Variants in PCDH15 observed in about 807,000 individuals in gnomAD.
PCDH15 encodes protocadherin-15.
Under a neutral mutation model 178.5 loss-of-function variants are expected in PCDH15, and 129 were observed. The ratio of observed to expected loss-of-function variants is 0.72; its 90% CI spans 0.63 to 0.84. PCDH15 has a LOEUF of 0.84. Ranked by LOEUF, PCDH15 falls within the 40% of genes least tolerant of loss-of-function variation. The probability of loss-of-function intolerance (pLI) is 0.00; values close to 1 mark genes in which losing one functional copy is unlikely to be tolerated. For synonymous variants in PCDH15, 800 were observed against 732.0 expected, an observed-to-expected ratio of 1.09 and a Z score of -1.50; for missense variants, 2,230 against 2,099.9, an observed-to-expected ratio of 1.06 and a Z score of -1.21.
At chr10:55,286,202 A>G (rs569086245) in intron 1 of PCDH15, among the ~76,000 whole-genome samples, 31 of 152,032 alleles carry the variant, frequency 2.0e-4, no homozygotes, top group Admixed American at 1.9e-3. Context: ...CTATTATGTT[A>G]CAATCATTCT....
In PCDH15 at chr10:54,870,222, G is replaced by A. The variant is rs554116196; in HGVS notation, c.-29+27228C>T. Among the ~76,000 whole-genome samples the A allele has an allele frequency of 8.5e-5, 13 of 152,240 alleles. No homozygotes were observed. The East Asian group carries it at 2.3e-3, about 27-fold the overall frequency. ...ACACAAGTAGTTGTTAACATGCCTA[G>A]TAATCAATTGGAAATTTTGTATTAA... On this transcript the variant is annotated intron_variant, in intron 3 of 5. Transcript: ENST00000458638.
chr10:53,849,131 G>A (rs1484723841), intron 28 of PCDH15, among the ~76,000 whole-genome samples: 1 of 151,890 alleles, frequency 6.6e-6, no homozygotes, highest in Non-Finnish European at 1.5e-5. Context: ...TACTAAAAAA[G>A]TAAAAAAGAT....
chr10:54,482,658 A>G (rs113670672), intron 3 of PCDH15, among the ~76,000 whole-genome samples: 5,501 of 151,856 alleles, frequency 0.036, 148 homozygotes, highest in South Asian at 0.092. Context: ...GAAAAATAAA[A>G]AAGGGAAAGA....
chr10:55,312,780 G>C (rs1287321199), intron 1 of PCDH15, among the ~76,000 whole-genome samples: 1 of 152,072 alleles, frequency 6.6e-6, no homozygotes, highest in African/African-American at 2.4e-5. Context: ...ACCATGCCCA[G>C]CTAATTTTGC....
intron 1 of PCDH15, among the ~76,000 whole-genome samples, chr10:54,747,806 A>ATTTTTTTTTTTTT (rs10628733): frequency 3.7e-5 from 5 of 135,564 alleles, no homozygotes; most frequent in East Asian, 2.2e-4. Flanking sequence ...CAATGGTTAC[A>ATTTTTTTTTTTTT]TTTTTTTTTT....
chr10:55,601,432 A>C (rs1843073894), intron 2 of PCDH15, among the ~76,000 whole-genome samples: 1 of 152,146 alleles, frequency 6.6e-6, no homozygotes, highest in Admixed American at 6.5e-5. Flanking sequence ...TGAAGGAGAG[A>C]GGTAGACAGG....
chr10:54,622,643 T>TTTTTC (rs2093404493), intron 2 of PCDH15, among the ~76,000 whole-genome samples: 1 of 101,874 alleles, frequency 9.8e-6, no homozygotes, highest in African/African-American at 4.2e-5. Flanking sequence ...TATTATATAA[T>TTTTTC]TATATATATA....
At position 54,329,707 on chromosome 10, in the gene PCDH15, C is replaced by A; in HGVS notation, c.595-1G>T. 6.5e-7 allele frequency: 1 copy of A among 1,530,616 alleles called. No homozygotes were observed. Among genetic ancestry groups the A allele is most frequent in the Non-Finnish European group, 9.1e-7 (1 of 1,104,498 alleles). 94.8% of individuals were successfully genotyped at this position (1,530,616 alleles called of 1,614,324 possible). ...GAATTTCAAAGGTGTCATTGGATGT[C>A]TGCAAATATTAAAGATACAGACTTC... On this transcript the variant is annotated splice_acceptor_variant, in intron 6 of 37. Transcript: ENST00000644397. LOFTEE classifies it high-confidence loss of function.
At chr10:53,823,220 A>G (rs1196294137) in intron 32 of PCDH15, 2 of 1,614,048 alleles carry the variant, frequency 1.2e-6, no homozygotes, top group South Asian at 1.1e-5. Context: ...TGTTGCTCTT[A>G]AGTGATCCGT....
intron 3 of PCDH15, among the ~76,000 whole-genome samples, chr10:54,391,105 T>A (rs1344096437): frequency 6.6e-6 from 1 of 152,152 alleles, no homozygotes; most frequent in East Asian, 1.9e-4. Flanking sequence ...ATATACATTC[T>A]CAAGTATATA....
At chr10:55,303,314 T>C (rs1475243076) in intron 1 of PCDH15, among the ~76,000 whole-genome samples, 3 of 152,186 alleles carry the variant, frequency 2.0e-5, no homozygotes, top group African/African-American at 7.2e-5. Flanking sequence ...GTTTGGGCTG[T>C]TAGTAGTCTT....
intron 32 of PCDH15, among the ~76,000 whole-genome samples, chr10:53,824,605 T>TCAGA (rs1301711243): frequency 1.3e-5 from 2 of 152,116 alleles, no homozygotes; most frequent in African/African-American, 2.4e-5. Context: ...CAAAGAAAAT[T>TCAGA]CAGACAATCT....
chr10:55,350,003 C>T (rs1293107713), intron 2 of PCDH15, among the ~76,000 whole-genome samples: 9 of 151,576 alleles, frequency 5.9e-5, no homozygotes. Context: ...ACTCACTCTA[C>T]TATCCTTTCA....
intron 1 of PCDH15, among the ~76,000 whole-genome samples, chr10:55,303,665 A>G (rs1441973209): frequency 6.6e-6 from 1 of 151,964 alleles, no homozygotes. Flanking sequence ...AAATAGGTGT[A>G]TTTCATCTAA....
Position 53,995,662 on chromosome 10 carries a change from T to C in PCDH15, c.2855A>G (p.Asp952Gly). 1 of 1,613,992 alleles carries C rather than the reference T, an allele frequency of 6.2e-7. No homozygotes were observed. The highest frequency in any genetic ancestry group is 8.5e-7 in the Non-Finnish European group (1 of 1,179,848). Residue 952 changes from aspartate (D) to glycine (G), a missense_variant, in exon 21 of 38, where the codon GAT becomes GGT. Asp to Gly is a moderately conservative substitution (Grantham distance 94). Transcript: ENST00000644397. The part of the protein sequence containing the change: ...GTPITTVYAE[D>G]ADPPGLPASR... ...CCTTCTACTTACAGGAGGGTCTGCA[T>C]CTTCAGCATAAACTGTTGTGATAGG...
chr10:54,003,685 T>A (rs2092267814), intron 20 of PCDH15, among the ~76,000 whole-genome samples: 2 of 144,138 alleles, frequency 1.4e-5, no homozygotes, highest in South Asian at 4.3e-4. Context: ...TGCTACTGAA[T>A]TCTACCAAAT....
Position 54,284,787 on chromosome 10 carries a change from C to A in PCDH15, c.876+32484G>T, listed in dbSNP as rs1591583687. Among the ~76,000 whole-genome samples, 6 of 152,090 alleles carry A rather than the reference C, an allele frequency of 3.9e-5. No individual in the cohort carries two copies. In the South Asian group the frequency reaches 1.2e-3, roughly 32 times the overall value. ...CAATGTAAATATTCATTATATGAAG[C>A]ATTATCTAAGACCCTTTTGCCTTGA... On this transcript the variant is annotated intron_variant, in intron 8 of 37. Transcript: ENST00000644397.
intron 2 of PCDH15, among the ~76,000 whole-genome samples, chr10:55,044,068 C>T (rs959005893): frequency 6.6e-6 from 1 of 152,142 alleles, no homozygotes; most frequent in African/African-American, 2.4e-5. Flanking sequence ...TCCCTCTGAT[C>T]AGACATCTTG....
intron 1 of PCDH15, among the ~76,000 whole-genome samples, chr10:54,716,058 G>A (rs1591237082): frequency 6.6e-6 from 1 of 152,096 alleles, no homozygotes; most frequent in East Asian, 1.9e-4. Flanking sequence ...TAGAATTCAT[G>A]CCTAGGCACA....
Sources: gnomAD v4.1 joint callset for allele counts (sites outside exome capture counted in the v4.1 genomes callset) on GRCh38, gnomAD v4.1.1 for gene constraint, MANE v1.5 for transcripts, NCBI Gene and HGNC (gene_info 2026-07-23, HGNC 2026-07-21) for gene names.